Variants in PARG observed in about 807,000 individuals in gnomAD.
The protein encoded by PARG is poly(ADP-ribose) glycohydrolase, also known as mitochondrial poly(ADP-ribose) glycohydrolase.
Under a neutral mutation model 113.0 loss-of-function variants are expected in PARG, and 35 were observed. The ratio of observed to expected loss-of-function variants is 0.31; its 90% confidence interval spans 0.24 to 0.41. The LOEUF is 0.41. Ranked by LOEUF, PARG falls within the 10% of genes least tolerant of loss-of-function variation. The pLI is 1.00. For missense variants in PARG, 797 were observed against 1,169.4 expected, an observed-to-expected ratio of 0.68 and a Z score of 4.64; for synonymous variants, 330 against 409.9, an observed-to-expected ratio of 0.81 and a Z score of 2.36.
intron 17 of PARG, 23 bp downstream of exon 17, chr10:49,820,138 CAAGT>C (rs1564587443): frequency 6.8e-7 from 1 of 1,479,912 alleles, no homozygotes; most frequent in Middle Eastern, 1.7e-4. Flanking sequence ...ATCTAGATAC[CAAGT>C]GTCAAGAGTA....
At chr10:49,907,303 G>A (rs192468197) in intron 7 of PARG, among the ~76,000 whole-genome samples, 686 of 152,198 alleles carry the variant, frequency 4.5e-3, no homozygotes, top group East Asian at 0.018. Context: ...ACAGACTCTT[G>A]TAGTAAATCA....
chr10:49,840,464 G>A (rs1052233198), intron 15 of PARG, among the ~76,000 whole-genome samples: 1 of 151,502 alleles, frequency 6.6e-6, no homozygotes, highest in African/African-American at 2.4e-5. Flanking sequence ...TTCAGAGTCA[G>A]GTAGGAGAGA....
At chr10:49,850,339 C>A (rs1289376357) in intron 13 of PARG, among the ~76,000 whole-genome samples, 1 of 145,988 alleles carries the variant, frequency 6.8e-6, no homozygotes, top group East Asian at 2.0e-4. Context: ...ATTCCATCAT[C>A]TGAAATTCAG....
intron 10 of PARG, among the ~76,000 whole-genome samples, chr10:49,866,329 C>G (rs1409401823): frequency 5.3e-5 from 8 of 151,812 alleles, no homozygotes; most frequent in African/African-American, 1.5e-4. Flanking sequence ...GAAAGCCTGG[C>G]CATCATTTCA....
chr10:49,904,411 C>G (rs1333138363), intron 7 of PARG, among the ~76,000 whole-genome samples: 2 of 150,044 alleles, frequency 1.3e-5, no homozygotes, highest in African/African-American at 2.4e-5. Flanking sequence ...CAAATCACAG[C>G]CTCATACAAG....
chr10:49,890,994 T>C lies in PARG; in HGVS notation c.1738-5699A>G, dbSNP rs181806673. Among the ~76,000 whole-genome samples the C allele has an allele frequency of 1.3e-3, 201 of 152,378 alleles. 2 individuals carry two copies. Among genetic ancestry groups the C allele is most frequent in the African/African-American group, 4.7e-3 (195 of 41,590 alleles). On this transcript the variant is annotated intron_variant, in intron 7 of 17. Transcript: ENST00000616448. ...AAGAAAATATTTCCATAGATCTTTT[T>C]CAAACAGTTTAGGGCAAACAGCTTT...
chr10:49,847,226 C>G (rs1170427929), intron 13 of PARG, among the ~76,000 whole-genome samples: 2 of 152,160 alleles, frequency 1.3e-5, no homozygotes, highest in East Asian at 3.8e-4. Context: ...GCAATGACTG[C>G]TAAAATTAGT....
chr10:49,927,303 CAAGAAAGA>C (rs781927701), intron 4 of PARG, among the ~76,000 whole-genome samples: 3 of 135,104 alleles, frequency 2.2e-5, no homozygotes, highest in East Asian at 2.2e-4. Flanking sequence ...AAGACTCTGT[CAAGAAAGA>C]AAGAAAGAAA....
chr10:49,834,180 G>A (rs1554830749), intron 15 of PARG, among the ~76,000 whole-genome samples: 3 of 152,100 alleles, frequency 2.0e-5, no homozygotes. Context: ...AAAAATCTGA[G>A]AGCTCCATTT....
intron 11 of PARG, among the ~76,000 whole-genome samples, chr10:49,863,875 G>A (rs1429444735): frequency 2.4e-4 from 36 of 147,726 alleles, no homozygotes; most frequent in Admixed American, 4.7e-4. Flanking sequence ...TAGAAGAAAC[G>A]AATCAGTTTA....
chr10:49,923,335 G>C (rs1176668904), intron 4 of PARG, among the ~76,000 whole-genome samples: 2 of 151,976 alleles, frequency 1.3e-5, no homozygotes, highest in Non-Finnish European at 2.9e-5. Flanking sequence ...TATCATGCTA[G>C]AGCACACTTG....
At chr10:49,891,006 G>C (rs1253581649) in intron 7 of PARG, among the ~76,000 whole-genome samples, 3 of 152,194 alleles carry the variant, frequency 2.0e-5, no homozygotes, top group Non-Finnish European at 4.4e-5. Context: ...AAACAGTTTA[G>C]GGCAAACAGC....
chr10:49,893,556 G>A (rs1270970399), intron 7 of PARG, among the ~76,000 whole-genome samples: 13 of 151,956 alleles, frequency 8.6e-5, no homozygotes, highest in East Asian at 3.8e-4. Context: ...TCACTGTGTC[G>A]CCAAAGCTGG....
intron 12 of PARG, among the ~76,000 whole-genome samples, chr10:49,857,781 G>A (rs1846066505): frequency 1.3e-5 from 2 of 148,590 alleles, no homozygotes; most frequent in Non-Finnish European, 1.5e-5. Context: ...GTCTTTATCT[G>A]GGAAGGTTTC....
At chr10:49,906,485 T>C (rs1211453476) in intron 7 of PARG, among the ~76,000 whole-genome samples, 15 of 152,128 alleles carry the variant, frequency 9.9e-5, no homozygotes, top group South Asian at 4.1e-4. Flanking sequence ...GTATGTTTAA[T>C]CTGATTCAGC....
intron 7 of PARG, among the ~76,000 whole-genome samples, chr10:49,902,376 T>C (rs1447048127): frequency 2.6e-5 from 4 of 152,206 alleles, no homozygotes; most frequent in African/African-American, 7.2e-5. Context: ...ATGTGGTACG[T>C]AGCTATATCA....
chr10:49,823,059 T>C (rs1205727599), intron 16 of PARG, among the ~76,000 whole-genome samples: 2 of 152,236 alleles, frequency 1.3e-5, no homozygotes, highest in South Asian at 2.1e-4. Context: ...AATGAGAATA[T>C]AGATGAAAGA....
intron 16 of PARG, among the ~76,000 whole-genome samples, chr10:49,828,841 C>T (rs1248977157): frequency 6.6e-6 from 1 of 152,076 alleles, no homozygotes; most frequent in Non-Finnish European, 1.5e-5. Flanking sequence ...CGCCATTGCA[C>T]CCTAGCCTGG....
At chr10:49,921,737 C>T (rs1837884071) in intron 6 of PARG, among the ~76,000 whole-genome samples, 1 of 148,110 alleles carries the variant, frequency 6.8e-6, no homozygotes, top group East Asian at 2.2e-4. Context: ...TATAGTGCCC[C>T]CAAATATAAA....
Sources: allele counts gnomAD v4.1 joint callset (sites outside exome capture counted in the v4.1 genomes callset), GRCh38; gene constraint gnomAD v4.1.1; transcripts MANE v1.5; gene names NCBI Gene and HGNC (gene_info 2026-07-23, HGNC 2026-07-21).